The following RSF1 variants were observed in gnomAD, a reference collection of about 807,000 sequenced individuals.
RSF1 encodes remodeling and spacing factor 1.
RSF1 carries 13 observed loss-of-function variants against 145.2 expected under a neutral mutation model. That is an observed-to-expected ratio of 0.09 (90% CI 0.06 to 0.14). The LOEUF is 0.14. RSF1 is among the 10% of genes least tolerant of loss of function. The pLI is 1.00. For missense variants in RSF1, 1,517 were observed against 1,718.2 expected (o/e 0.88, Z 2.07); for synonymous variants, 577 against 592.6 (o/e 0.97, Z 0.38).
intron 14 of RSF1, among the ~76,000 whole-genome samples, chr11:77,674,573 C>G (rs1042330567): frequency 6.6e-6 from 1 of 152,188 alleles, no homozygotes; most frequent in African/African-American, 2.4e-5. Context: ...CACAATCCTA[C>G]TAGGCATCTG....
intron 4 of RSF1, chr11:77,735,165 C>T (rs762693150): frequency 8.6e-6 from 6 of 699,808 alleles, no homozygotes; most frequent in Middle Eastern, 3.7e-4. Context: ...GGGTGGGGGA[C>T]GAGCACCGGG....
intron 1 of RSF1, among the ~76,000 whole-genome samples, chr11:77,810,666 T>C (rs1220097306): frequency 6.6e-6 from 1 of 152,142 alleles, no homozygotes; most frequent in Non-Finnish European, 1.5e-5. Context: ...GTTCAAGCAA[T>C]TGTTGTGTGG....
chr11:77,681,469 A>G (rs1168848699), intron 11 of RSF1, among the ~76,000 whole-genome samples: 1 of 151,840 alleles, frequency 6.6e-6, no homozygotes, highest in Non-Finnish European at 1.5e-5. Flanking sequence ...TCTCTCTTAC[A>G]GAGTCTCTCT....
upstream of RSF1, chr11:77,821,108 G>T: frequency 2.2e-6 from 1 of 446,046 alleles, no homozygotes; most frequent in East Asian, 3.5e-5. Flanking sequence ...CGGGGCCTCG[G>T]GCGCTGTTCA....
intron 4 of RSF1, among the ~76,000 whole-genome samples, chr11:77,729,953 T>C (rs548768182): frequency 3.3e-4 from 42 of 126,442 alleles, no homozygotes; most frequent in Non-Finnish European, 6.7e-5. Context: ...TGAAGAGGCA[T>C]TAATTAGTAA....
chr11:77,706,102 G>A (rs1960542403), intron 5 of RSF1, among the ~76,000 whole-genome samples: 1 of 151,918 alleles, frequency 6.6e-6, no homozygotes, highest in Non-Finnish European at 1.5e-5. Context: ...TTAGCAGGGT[G>A]GGGTGGTGTG....
In RSF1 at chr11:77,709,709, G is replaced by A. The variant is rs1481211051; in HGVS notation, c.734-7214C>T. Among the ~76,000 whole-genome samples the A allele has an allele frequency of 5.3e-5, 8 of 151,548 alleles. No individual in the cohort carries two copies. In the East Asian group the frequency reaches 1.2e-3, roughly 22 times the overall value. ...TGTGCCAATTCTTTTTTTTTTAAAT[G>A]TTTTTTTATTTTTAGAGACAATGTC... On this transcript the variant is annotated intron_variant, in intron 5 of 15. Transcript: ENST00000308488.
rs777887711 is a variant in RSF1, at chr11:77,672,245, G to T, written c.3563-15C>A. ...GAAGTCACTTTCTATTTTAAAAAAA[G>T]GAAGAACAAAGTACAAAATTTAAGT... On this transcript the variant is annotated splice_polypyrimidine_tract_variant and intron_variant, in intron 14 of 15. Coordinates refer to ENST00000308488, the MANE Select transcript of RSF1 (RefSeq NM_016578.4). 6.4e-7 allele frequency: 1 copy of T among 1,569,740 alleles called. No homozygotes were observed. Among genetic ancestry groups the T allele is most frequent in the South Asian group, 1.2e-5 (1 of 82,848 alleles).
chr11:77,689,156 C>T (rs1174910573), intron 9 of RSF1, among the ~76,000 whole-genome samples: 1 of 152,216 alleles, frequency 6.6e-6, no homozygotes, highest in Non-Finnish European at 1.5e-5. Flanking sequence ...TCTGAAAATT[C>T]TCCCCAACAC....
rs1283143499 is a variant in RSF1 at position 77,820,559 on chromosome 11, C to T, written c.156G>A (p.Gln52=). Residue 52 remains glutamine, a synonymous_variant, in exon 1 of 16, where the codon CAG becomes CAA. Transcript: ENST00000308488. ...CGTTGCCGACGTCCGGCGGCGGCGC[C>T]TGCAGCACCCGCTCCAGCTCAGGGA... ...LPFPELERVL[Q]APPPDVGNGE... is the part of the protein sequence containing the mutation. 3.2e-6 allele frequency: 5 copies of T among 1,551,778 alleles called. No individual in the cohort carries two copies. In the East Asian group the frequency reaches 9.7e-5, roughly 30 times the overall value.
At chr11:77,855,068 T>A in the RSF1 span, among the ~76,000 whole-genome samples, 12 of 152,122 alleles carry the variant, frequency 7.9e-5, no homozygotes, top group Non-Finnish European at 1.6e-4. Flanking sequence ...TAACCATAGC[T>A]AGAGCTGGAG....
Position 77,820,577 on chromosome 11 carries a change from C to T in RSF1, c.138G>A (p.Glu46=). ...LLDLPELPFP[E]LERVLQAPPP... is the part of the protein sequence containing the mutation. ...GCGGCGCCTGCAGCACCCGCTCCAG[C>T]TCAGGGAACGGCAACTCAGGCAGGT... Residue 46 remains glutamate (E), a synonymous_variant, in exon 1 of 16, where the codon GAG becomes GAA. Coordinates refer to ENST00000308488, the MANE Select transcript of RSF1 (RefSeq NM_016578.4). 1 of 1,559,860 alleles carries T rather than the reference C, an allele frequency of 6.4e-7. No homozygotes were observed. Among genetic ancestry groups the T allele is most frequent in the Non-Finnish European group, 8.7e-7 (1 of 1,153,334 alleles).
intron 2 of RSF1, among the ~76,000 whole-genome samples, chr11:77,759,304 A>G (rs1315546201): frequency 2.0e-5 from 3 of 152,224 alleles, no homozygotes; most frequent in Non-Finnish European, 4.4e-5. Context: ...TGAGCCCAGG[A>G]GTTTGAGATC....
intron 1 of RSF1, among the ~76,000 whole-genome samples, chr11:77,789,113 AC>A (rs1948490666): frequency 6.6e-6 from 1 of 152,196 alleles, no homozygotes; most frequent in Non-Finnish European, 1.5e-5. Context: ...AACCTGCTCA[AC>A]CCCCATCAAA....
At chr11:77,826,384 G>T in the RSF1 span, among the ~76,000 whole-genome samples, 1 of 151,854 alleles carries the variant, frequency 6.6e-6, no homozygotes, top group Admixed American at 6.6e-5. Context: ...ATGGGGGACA[G>T]CCTGTATTAT....
At chr11:77,667,534 T>C (rs1959400470) in intron 15 of RSF1, 43 bp from the exon 16 acceptor site, 2 of 1,510,528 alleles carry the variant, frequency 1.3e-6, no homozygotes, top group Admixed American at 1.8e-5. Flanking sequence ...CGGTTAACCA[T>C]AAACGAATTT....
intron 11 of RSF1, among the ~76,000 whole-genome samples, chr11:77,683,291 G>A (rs957242712): frequency 9.2e-5 from 14 of 151,922 alleles, no homozygotes; most frequent in South Asian, 2.1e-4. Flanking sequence ...CTCCATCTTG[G>A]AAAAAACAAA....
intron 1 of RSF1, among the ~76,000 whole-genome samples, chr11:77,787,128 C>T (rs186172585): frequency 1.4e-4 from 22 of 152,206 alleles, no homozygotes; most frequent in Admixed American, 1.0e-3. Flanking sequence ...GGCATGTACC[C>T]GGGGAAATTA....
At chr11:77,707,471 C>A (rs759937828) in intron 5 of RSF1, among the ~76,000 whole-genome samples, 3 of 152,118 alleles carry the variant, frequency 2.0e-5, no homozygotes, top group Non-Finnish European at 4.4e-5. Context: ...TTAATAAATG[C>A]ATTTACTTAA....
Sources: gnomAD v4.1 joint callset for allele counts (sites outside exome capture counted in the v4.1 genomes callset) on GRCh38, gnomAD v4.1.1 for gene constraint, MANE v1.5 for transcripts, NCBI Gene and HGNC (gene_info 2026-07-23, HGNC 2026-07-21) for gene names.